ANKRD36C: variants seen among roughly 807,000 people sequenced by gnomAD.
ANKRD36C encodes the protein ankyrin repeat domain-containing protein 36C.
ANKRD36C carries 61 observed loss-of-function variants against 276.4 expected under a neutral mutation model. The ratio of observed to expected loss-of-function variants is 0.22; its 90% confidence interval spans 0.18 to 0.27. The LOEUF is 0.27. ANKRD36C is among the 10% of genes least tolerant of loss of function. The probability of loss-of-function intolerance (pLI) is 1.00; values close to 1 mark genes in which losing one functional copy is unlikely to be tolerated. For missense variants in ANKRD36C, 1,447 were observed against 2,032.3 expected (o/e 0.71, Z 5.54); for synonymous variants, 483 against 680.1 (o/e 0.71, Z 4.51).
chr2:95,871,063 G>C (rs1209195118), intron 59 of ANKRD36C, among the ~76,000 whole-genome samples: 3 of 152,196 alleles, frequency 2.0e-5, no homozygotes, highest in African/African-American at 7.2e-5. Flanking sequence ...AAGTCACGGG[G>C]AGAATGGAAC....
At chr2:95,982,393 C>G (rs1425764904) in intron 3 of ANKRD36C, 31 bp from the exon 4 acceptor site, 2 of 1,479,818 alleles carry the variant, frequency 1.4e-6, no homozygotes, top group Admixed American at 4.2e-5. Flanking sequence ...TTTATAATCA[C>G]AAAATTACAT....
At chr2:95,909,726 T>C (rs1410611312) in intron 42 of ANKRD36C, among the ~76,000 whole-genome samples, 3 of 150,882 alleles carry the variant, frequency 2.0e-5, no homozygotes, top group African/African-American at 4.9e-5. Context: ...AGAGGAGTAA[T>C]GAGTCAGTGT....
intron 6 of ANKRD36C, among the ~76,000 whole-genome samples, chr2:95,977,073 T>C (rs1243273534): frequency 3.9e-5 from 6 of 152,008 alleles, no homozygotes; most frequent in Non-Finnish European, 8.8e-5. Flanking sequence ...AACATCATTC[T>C]ACGTCTGCAT....
In ANKRD36C at chr2:95,859,852, A is replaced by G. The variant is rs560820657; in HGVS notation, c.3896+9T>C. On this transcript the variant is annotated intron_variant, in intron 61 of 66. Coordinates refer to ENST00000456556, the Ensembl canonical transcript of ANKRD36C. ...ACAGTTCAAACATTTATTTAAAACT[A>G]GGTCATACCTCAAACTACAGAGTTC... is the stretch of plus-strand genomic sequence containing the variant. 2.6e-6 allele frequency: 4 copies of G among 1,548,490 alleles called. No homozygotes were observed. In the East Asian group the frequency reaches 9.8e-5, roughly 38 times the overall value.
At chr2:95,921,423 G>A (rs376469790) in intron 34 of ANKRD36C, among the ~76,000 whole-genome samples, 184 bp downstream of exon 34, 3 of 151,576 alleles carry the variant, frequency 2.0e-5, no homozygotes, top group East Asian at 2.0e-4. Context: ...CAAAGATCAC[G>A]TTCCAAGCCA....
In ANKRD36C at chr2:95,919,691, T is replaced by A; in HGVS notation, c.2246-1649A>T. 2.4e-6 allele frequency: 2 copies of A among 838,642 alleles called. 1 individual carries two copies. Among genetic ancestry groups the A allele is most frequent in the Non-Finnish European group, 2.8e-6 (2 of 703,554 alleles). The allele number at this position is 838,642 out of a possible 1,614,324, so 52.0% of individuals were successfully genotyped here. ...TATTCGGGATAGAGAAGTTCTTTTT[T>A]ATCTGGATTGAACATGACATTGAAT... On this transcript the variant is annotated intron_variant, in intron 34 of 66. Transcript: ENST00000456556.
intron 59 of ANKRD36C, among the ~76,000 whole-genome samples, chr2:95,872,551 A>C (rs1467868327): frequency 1.3e-5 from 2 of 152,220 alleles, no homozygotes; most frequent in African/African-American, 2.4e-5. Flanking sequence ...CTAAATGCCC[A>C]CAAGAGAAAG....
intron 44 of ANKRD36C, among the ~76,000 whole-genome samples, chr2:95,893,961 A>G (rs1225309215): frequency 6.6e-6 from 1 of 151,464 alleles, no homozygotes; most frequent in Non-Finnish European, 1.5e-5. Context: ...TCATATGTCA[A>G]AAACTAAAAT....
intron 59 of ANKRD36C, among the ~76,000 whole-genome samples, chr2:95,870,410 G>A (rs1675779008): frequency 6.6e-6 from 1 of 152,214 alleles, no homozygotes; most frequent in Non-Finnish European, 1.5e-5. Context: ...GACAGGGTCT[G>A]GAGTGGACCT....
At chr2:95,882,222 C>A (rs4063022) in intron 56 of ANKRD36C, 80 bp downstream of exon 76, 23 of 1,495,786 alleles carry the variant, frequency 1.5e-5, no homozygotes, top group East Asian at 5.0e-5. Flanking sequence ...TTCAATGAGC[C>A]CCCTGCTGAT....
intron 38 of ANKRD36C, 68 bp from the exon 41 acceptor site, chr2:95,914,371 A>C (rs769811582): frequency 1.3e-4 from 201 of 1,516,608 alleles, no homozygotes; most frequent in Non-Finnish European, 1.7e-4. Context: ...ACATTCATGC[A>C]GTGTTAGCAT....
At chr2:95,964,151 A>G (rs1250146491) in intron 6 of ANKRD36C, among the ~76,000 whole-genome samples, 1 of 149,506 alleles carries the variant, frequency 6.7e-6, no homozygotes, top group Non-Finnish European at 1.5e-5. Flanking sequence ...TTTATGAAAT[A>G]AATACCTCAG....
chr2:95,852,442 T>C lies in ANKRD36C; in HGVS notation c.5149-246A>G, dbSNP rs1299746566. 1.6e-5 allele frequency: 7 copies of C among 446,180 alleles called. No homozygotes were observed. The East Asian group carries it at 2.2e-4, about 14-fold the overall frequency. The allele number at this position is 446,180 out of a possible 1,614,324, so 27.6% of individuals were successfully genotyped here. On this transcript the variant is annotated intron_variant, in intron 64 of 66. Coordinates refer to ENST00000456556, the Ensembl canonical transcript of ANKRD36C. The stretch of plus-strand genomic sequence containing the variant: ...TACTTTTGTGCTGTAACTGCAGGGC[T>C]GAGTTATTGCAACAAGGATCTTATG...
At chr2:95,917,981 C>A in intron 35 of ANKRD36C, 33 bp downstream of exon 37, 7 of 1,598,874 alleles carry the variant, frequency 4.4e-6, no homozygotes, top group South Asian at 2.2e-5. Flanking sequence ...AAGTATGTGT[C>A]ATAGAATACA....
At chr2:95,931,588 C>G in intron 24 of ANKRD36C, among the ~76,000 whole-genome samples, 1 of 149,696 alleles carries the variant, frequency 6.7e-6, no homozygotes, top group Non-Finnish European at 1.5e-5. Flanking sequence ...ACTTCTTTAA[C>G]TACAATGACA....
chr2:95,991,415 C>T lies in ANKRD36C; in HGVS notation c.197+97G>A, dbSNP rs1028725574. ...CCCTAGCCCCCGTCCATACCCCGAG[C>T]CCCGGACCATCCGCCCCGCAGCCCT... On this transcript the variant is annotated intron_variant, in intron 1 of 66. Coordinates refer to ENST00000456556, the Ensembl canonical transcript of ANKRD36C. 230 of 1,413,170 alleles carry T rather than the reference C, an allele frequency of 1.6e-4. 1 individual carries two copies. Among genetic ancestry groups the T allele is most frequent in the Middle Eastern group, 2.2e-4 (1 of 4,448 alleles). 87.5% of individuals were successfully genotyped at this position (1,413,170 alleles called of 1,614,324 possible).
intron 13 of ANKRD36C, among the ~76,000 whole-genome samples, chr2:95,955,950 T>C: frequency 6.6e-6 from 1 of 151,852 alleles, no homozygotes; most frequent in East Asian, 1.9e-4. Flanking sequence ...AAAGAAGGTC[T>C]TAAACCCTAA....
intron 42 of ANKRD36C, among the ~76,000 whole-genome samples, chr2:95,903,485 T>C (rs1676716920): frequency 6.6e-6 from 1 of 151,346 alleles, no homozygotes; most frequent in Non-Finnish European, 1.5e-5. Flanking sequence ...TTTACACCAT[T>C]ATACTACAAA....
chr2:95,981,957 C>T (rs900298749), intron 4 of ANKRD36C, among the ~76,000 whole-genome samples: 9 of 152,150 alleles, frequency 5.9e-5, no homozygotes, highest in African/African-American at 1.4e-4. Flanking sequence ...AATAACACCA[C>T]ATCATACTAT....
Sources: allele counts gnomAD v4.1 joint callset (sites outside exome capture counted in the v4.1 genomes callset), GRCh38; gene constraint gnomAD v4.1.1; transcripts MANE v1.5; gene names NCBI Gene and HGNC (gene_info 2026-07-23, HGNC 2026-07-21).